Variants in RASAL2 observed in about 807,000 individuals in gnomAD.
The protein encoded by RASAL2 is RAS protein activator like 2.
In RASAL2, 58 loss-of-function variants were observed where a neutral mutation model predicts 128.9. The observed-to-expected ratio is 0.45, with a 90% confidence interval of 0.36 to 0.56. The LOEUF is 0.56. RASAL2 is among the 20% of genes least tolerant of loss of function. The pLI, the probability that RASAL2 is intolerant of heterozygous loss-of-function variation, is 0.00. For synonymous variants in RASAL2, 561 were observed against 580.8 expected (o/e 0.97, Z 0.49); for missense variants, 1,360 against 1,601.6 (o/e 0.85, Z 2.57).
intron 1 of RASAL2, among the ~76,000 whole-genome samples, chr1:178,251,982 A>G (rs1191096430): frequency 6.6e-6 from 1 of 152,166 alleles, no homozygotes; most frequent in Non-Finnish European, 1.5e-5. Flanking sequence ...TATACACATA[A>G]AGGTTTCAGA....
chr1:178,445,423 G>T (rs1354125381), intron 8 of RASAL2, 95 bp from the exon 9 acceptor site: 1 of 1,343,262 alleles, frequency 7.4e-7, no homozygotes, highest in East Asian at 2.5e-5. Flanking sequence ...TAGTTTTAAA[G>T]CAGCATTTCC....
chr1:178,417,187 T>C (rs1674816096), intron 4 of RASAL2, among the ~76,000 whole-genome samples: 1 of 152,160 alleles, frequency 6.6e-6, no homozygotes, highest in Non-Finnish European at 1.5e-5. Flanking sequence ...TTTTCTGGGT[T>C]ATTTTTGTTT....
chr1:178,294,929 A>G (rs1413814820), intron 2 of RASAL2, among the ~76,000 whole-genome samples: 3 of 152,228 alleles, frequency 2.0e-5, no homozygotes, highest in South Asian at 4.1e-4. Context: ...AAACTGAAGT[A>G]TATTGAAAAC....
intron 1 of RASAL2, among the ~76,000 whole-genome samples, chr1:178,219,648 G>A (rs867543022): frequency 1.4e-5 from 2 of 142,944 alleles, no homozygotes; most frequent in African/African-American, 2.8e-5. Flanking sequence ...AAAAAAAAAA[G>A]AAAGAAAGAA....
At chr1:178,227,055 A>G (rs1315323271) in intron 1 of RASAL2, among the ~76,000 whole-genome samples, 1 of 152,142 alleles carries the variant, frequency 6.6e-6, no homozygotes, top group East Asian at 1.9e-4. Context: ...AGTTCTCCAC[A>G]TGTTAAAGCC....
chr1:178,174,284 C>T (rs1661811213), intron 1 of RASAL2, among the ~76,000 whole-genome samples: 1 of 152,008 alleles, frequency 6.6e-6, no homozygotes, highest in Non-Finnish European at 1.5e-5. Context: ...CTGTGTCCCT[C>T]ATCTTATGTC....
intron 4 of RASAL2, among the ~76,000 whole-genome samples, chr1:178,399,534 A>T (rs895974064): frequency 1.3e-5 from 2 of 152,158 alleles, no homozygotes; most frequent in African/African-American, 2.4e-5. Flanking sequence ...CCTGGTAGCC[A>T]GTGGACGCCC....
At chr1:178,291,791 C>G (rs1006775735) in intron 2 of RASAL2, among the ~76,000 whole-genome samples, 49 of 152,276 alleles carry the variant, frequency 3.2e-4, no homozygotes, top group African/African-American at 1.1e-3. Flanking sequence ...AATCCCAGCA[C>G]TTTTGGAGGC....
At chr1:178,128,514 A>G (rs1332189843) in intron 1 of RASAL2, among the ~76,000 whole-genome samples, 1 of 152,158 alleles carries the variant, frequency 6.6e-6, no homozygotes, top group Non-Finnish European at 1.5e-5. Flanking sequence ...TACTCTGTAC[A>G]TCTTTTTTTG....
chr1:178,442,132 C>T (rs1676699380), intron 7 of RASAL2, among the ~76,000 whole-genome samples: 2 of 152,098 alleles, frequency 1.3e-5, no homozygotes, highest in African/African-American at 4.8e-5. Flanking sequence ...AAACACCTCC[C>T]ACCAGGCCCC....
intron 1 of RASAL2, among the ~76,000 whole-genome samples, chr1:178,242,457 C>CA (rs1174688541): frequency 3.8e-5 from 5 of 131,706 alleles, no homozygotes; most frequent in African/African-American, 1.6e-4. Context: ...CTCTCTCTCT[C>CA]TCTCTCTCTC....
At chr1:178,128,102 G>T (rs1211391011) in intron 1 of RASAL2, among the ~76,000 whole-genome samples, 1 of 152,004 alleles carries the variant, frequency 6.6e-6, no homozygotes, top group Non-Finnish European at 1.5e-5. Flanking sequence ...CATCAACCCG[G>T]TTCTTCTGAC....
chr1:178,129,475 A>G (rs890116128), intron 1 of RASAL2, among the ~76,000 whole-genome samples: 1 of 152,106 alleles, frequency 6.6e-6, no homozygotes, highest in African/African-American at 2.4e-5. Flanking sequence ...TGAATTCTTT[A>G]TATATTCTGA....
intron 4 of RASAL2, among the ~76,000 whole-genome samples, chr1:178,392,070 G>A (rs12071127): frequency 0.07 from 10,664 of 152,204 alleles, 716 homozygotes; most frequent in African/African-American, 0.18. Context: ...TTTGGGCAAA[G>A]TATTGGTGAT....
chr1:178,457,933 A>T lies in RASAL2; in HGVS notation c.2641A>T (p.Ile881Leu). The T allele has an allele frequency of 6.2e-7, 1 of 1,614,178 alleles. No homozygotes were observed. The highest frequency in any genetic ancestry group is 8.5e-7 in the Non-Finnish European group (1 of 1,180,034). The change falls in exon 14 of 18, where the codon ATA becomes TTA. Residue 881 changes from isoleucine (I) to leucine (L), a missense_variant. Physicochemically the swap from Ile to Leu is conservative, Grantham distance 5 (BLOSUM62 2). Around this residue, in one of 3 missense-constraint regions of RASAL2, gnomAD observed 741 missense variants for 868.6 expected, o/e 0.85. Coordinates refer to ENST00000367649, the MANE Select transcript of RASAL2 (RefSeq NM_170692.4). ...ACGCTTGACCGGAAGCCAGCTTTCC[A>T]TAACCCAGGTGGCCAGCATCAAACA... ...PIRLTGSQLSITQVASIKQLR... is the reference protein window; with the variant it reads ...PIRLTGSQLSLTQVASIKQLR...
At chr1:178,428,158 G>C (rs560250037) in intron 5 of RASAL2, among the ~76,000 whole-genome samples, 1 of 151,556 alleles carries the variant, frequency 6.6e-6, no homozygotes, top group African/African-American at 2.4e-5. Flanking sequence ...GATGTACTAC[G>C]GTTTGTTTAA....
intron 1 of RASAL2, among the ~76,000 whole-genome samples, chr1:178,242,164 A>G (rs1175931550): frequency 3.3e-5 from 5 of 152,036 alleles, no homozygotes; most frequent in Middle Eastern, 6.8e-3. Flanking sequence ...TCAGGTAGTA[A>G]ACTCTCCATT....
intron 1 of RASAL2, among the ~76,000 whole-genome samples, chr1:178,116,935 G>A (rs1209020442): frequency 6.6e-6 from 1 of 152,168 alleles, no homozygotes; most frequent in African/African-American, 2.4e-5. Context: ...TGATTTATCA[G>A]TCTGAAAGTG....
intron 4 of RASAL2, among the ~76,000 whole-genome samples, chr1:178,406,839 A>T (rs917407420): frequency 4.0e-5 from 6 of 151,556 alleles, no homozygotes; most frequent in Middle Eastern, 3.5e-3. Context: ...TAATATAATA[A>T]TTATACATAA....
Sources: gnomAD v4.1 joint callset for allele counts (sites outside exome capture counted in the v4.1 genomes callset) on GRCh38, gnomAD v4.1.1 for gene constraint, gnomAD v4.1.1 regional missense constraint, MANE v1.5 for transcripts, NCBI Gene and HGNC (gene_info 2026-07-23, HGNC 2026-07-21) for gene names.